The following QKI variants were observed in gnomAD, a reference collection of about 807,000 sequenced individuals.
The protein encoded by QKI is QKI, KH domain containing RNA binding, also known as KH domain-containing RNA-binding protein QKI.
Under a neutral mutation model 39.0 loss-of-function variants are expected in QKI, and 10 were observed. The ratio of observed to expected loss-of-function variants is 0.26; its 90% CI spans 0.16 to 0.43. The LOEUF (loss-of-function observed/expected upper bound fraction) is 0.43, where lower values mean the gene tolerates loss of function less well. QKI is among the 20% of genes least tolerant of loss of function. QKI has a pLI of 1.00. For synonymous variants in QKI, 204 were observed against 155.4 expected (o/e 1.31, Z -2.33); for missense variants, 218 against 428.0 (o/e 0.51, Z 4.33).
intron 2 of QKI, among the ~76,000 whole-genome samples, chr6:163,476,025 A>G (rs1443246610): frequency 6.6e-6 from 1 of 152,234 alleles, no homozygotes; most frequent in Non-Finnish European, 1.5e-5. Context: ...ATAGAAAAAC[A>G]CAGGAAACTT....
intron 2 of QKI, among the ~76,000 whole-genome samples, chr6:163,466,332 T>C (rs1472722489): frequency 6.6e-6 from 1 of 152,102 alleles, no homozygotes; most frequent in Non-Finnish European, 1.5e-5. Context: ...CCCAAAGCAA[T>C]CTATAGATCC....
chr6:163,518,993 T>G (rs1469693882), intron 3 of QKI, among the ~76,000 whole-genome samples: 2 of 152,204 alleles, frequency 1.3e-5, no homozygotes, highest in Non-Finnish European at 2.9e-5. Flanking sequence ...CATGAATTTA[T>G]TTATAGTCTT....
At chr6:163,521,783 A>G (rs1780177754) in intron 3 of QKI, among the ~76,000 whole-genome samples, 1 of 152,124 alleles carries the variant, frequency 6.6e-6, no homozygotes, top group Admixed American at 6.5e-5. Context: ...AGCCTCCCAA[A>G]GTGCTGGGAT....
chr6:163,523,304 C>T (rs775055177), intron 3 of QKI, among the ~76,000 whole-genome samples: 9 of 152,214 alleles, frequency 5.9e-5, no homozygotes, highest in Non-Finnish European at 1.3e-4. Context: ...TAGAAAAATA[C>T]ACATGTGGAA....
intron 4 of QKI, among the ~76,000 whole-genome samples, chr6:163,548,150 T>C (rs1198467235): frequency 1.4e-5 from 2 of 144,054 alleles, no homozygotes; most frequent in African/African-American, 4.9e-5. Context: ...ATGATAGTGG[T>C]GTAGAATTAT....
intron 1 of QKI, among the ~76,000 whole-genome samples, chr6:163,438,211 G>A (rs949979933): frequency 4.3e-4 from 65 of 152,178 alleles, no homozygotes; most frequent in African/African-American, 1.5e-3. Flanking sequence ...TCAGATTTCA[G>A]ATAATATTTC....
intron 5 of QKI, among the ~76,000 whole-genome samples, chr6:163,562,913 G>A (rs982238323): frequency 2.0e-5 from 3 of 152,126 alleles, no homozygotes; most frequent in African/African-American, 7.2e-5. Flanking sequence ...TTTCTGTGAC[G>A]TTGGTTCCTA....
intron 1 of QKI, among the ~76,000 whole-genome samples, chr6:163,450,549 G>GA (rs1790480899): frequency 6.6e-6 from 1 of 151,670 alleles, no homozygotes; most frequent in South Asian, 2.1e-4. Flanking sequence ...TAAGGGGAAA[G>GA]AAAAAAGAAT....
At chr6:163,519,782 C>A (rs1433275592) in intron 3 of QKI, among the ~76,000 whole-genome samples, 1 of 151,732 alleles carries the variant, frequency 6.6e-6, no homozygotes, top group Non-Finnish European at 1.5e-5. Context: ...TGATAGCTTA[C>A]TTTTTAAGCA....
chr6:163,568,075 A>G (rs1346045097), intron 7 of QKI: 8 of 985,428 alleles, frequency 8.1e-6, no homozygotes, highest in South Asian at 4.7e-5. Context: ...GTGGTCGTCT[A>G]TGAGGATGGT....
chr6:163,436,063 G>A (rs1417275956), intron 1 of QKI, among the ~76,000 whole-genome samples: 1 of 152,146 alleles, frequency 6.6e-6, no homozygotes, highest in Non-Finnish European at 1.5e-5. Flanking sequence ...TGAGATGCCT[G>A]TTCTGTCCCG....
chr6:163,451,201 A>C (rs756070520), intron 1 of QKI, among the ~76,000 whole-genome samples: 1 of 152,228 alleles, frequency 6.6e-6, no homozygotes, highest in Non-Finnish European at 1.5e-5. Flanking sequence ...CATTAGCAAA[A>C]TGTCAGCAGT....
intron 2 of QKI, among the ~76,000 whole-genome samples, chr6:163,458,345 G>A (rs138459024): frequency 6.6e-6 from 1 of 152,272 alleles, no homozygotes; most frequent in African/African-American, 2.4e-5. Context: ...TATGAGTGAA[G>A]CAGTTGGAAA....
At chr6:163,500,240 A>G (rs951891446) in intron 3 of QKI, among the ~76,000 whole-genome samples, 4 of 152,176 alleles carry the variant, frequency 2.6e-5, no homozygotes, top group African/African-American at 4.8e-5. Flanking sequence ...GAGGGATGAT[A>G]TGATATTTAT....
intron 3 of QKI, among the ~76,000 whole-genome samples, chr6:163,479,130 A>T (rs2128225514): frequency 6.6e-6 from 1 of 152,162 alleles, no homozygotes; most frequent in South Asian, 2.1e-4. Flanking sequence ...TACTAAAAAA[A>T]ATACAAAAAT....
At chr6:163,523,294 TA>T in intron 3 of QKI, among the ~76,000 whole-genome samples, 1 of 152,340 alleles carries the variant, frequency 6.6e-6, no homozygotes, top group Non-Finnish European at 1.5e-5. Context: ...CTAACTAATG[TA>T]GAAAAATACA....
At chr6:163,528,506 A>G (rs1780654074) in intron 3 of QKI, among the ~76,000 whole-genome samples, 1 of 152,156 alleles carries the variant, frequency 6.6e-6, no homozygotes, top group Non-Finnish European at 1.5e-5. Context: ...AAATGTTGGT[A>G]AGACTGATAG....
intron 4 of QKI, among the ~76,000 whole-genome samples, chr6:163,542,040 G>A (rs1221877076): frequency 6.6e-6 from 1 of 151,906 alleles, no homozygotes; most frequent in Non-Finnish European, 1.5e-5. Context: ...CATACCAGGA[G>A]AGAGTACTTC....
At chr6:163,431,379 C>G (rs1209437321) in intron 1 of QKI, among the ~76,000 whole-genome samples, 10 of 151,996 alleles carry the variant, frequency 6.6e-5, no homozygotes, top group Admixed American at 6.6e-4. Context: ...ATGTAATTCT[C>G]TAAATAAAAA....
Sources: allele counts gnomAD v4.1 joint callset (sites outside exome capture counted in the v4.1 genomes callset), GRCh38; gene constraint gnomAD v4.1.1; transcripts MANE v1.5; gene names NCBI Gene and HGNC (gene_info 2026-07-23, HGNC 2026-07-21).